FAM135B: variants seen among roughly 807,000 people sequenced by gnomAD.
FAM135B encodes protein FAM135B.
FAM135B carries 43 observed loss-of-function variants against 127.7 expected under a neutral mutation model. The observed-to-expected ratio is 0.34, with a 90% CI of 0.26 to 0.43. The LOEUF (loss-of-function observed/expected upper bound fraction) is 0.43. Ranked by LOEUF, FAM135B falls within the 20% of genes least tolerant of loss-of-function variation. The pLI, the probability that FAM135B is intolerant of heterozygous loss-of-function variation, is 1.00. For synonymous variants in FAM135B, 670 were observed against 665.1 expected, an observed-to-expected ratio of 1.01 and a Z score of -0.11; for missense variants, 1,558 against 1,725.6, an observed-to-expected ratio of 0.90 and a Z score of 1.72.
At chr8:138,421,506 G>A (rs1240096949) in intron 1 of FAM135B, among the ~76,000 whole-genome samples, 2 of 151,984 alleles carry the variant, frequency 1.3e-5, no homozygotes, top group African/African-American at 4.8e-5. Flanking sequence ...TCTAAGCTGA[G>A]AACCAAATAA....
chr8:138,286,576 A>G (rs10505698), intron 3 of FAM135B, among the ~76,000 whole-genome samples: 29,381 of 152,194 alleles, frequency 0.19, 3,301 homozygotes, highest in Middle Eastern at 0.26. Flanking sequence ...AATCCCAGGC[A>G]ACAAGAGGAA....
chr8:138,252,868 C>T (rs1053331989), intron 5 of FAM135B, among the ~76,000 whole-genome samples: 2 of 152,152 alleles, frequency 1.3e-5, no homozygotes, highest in Non-Finnish European at 2.9e-5. Context: ...GGCATAATCT[C>T]GGCTCACTGC....
chr8:138,369,988 C>G (rs1166680188), intron 1 of FAM135B, among the ~76,000 whole-genome samples: 1 of 152,112 alleles, frequency 6.6e-6, no homozygotes, highest in Non-Finnish European at 1.5e-5. Context: ...ACAATGCACC[C>G]CAAGAGTGCC....
intron 4 of FAM135B, among the ~76,000 whole-genome samples, chr8:138,261,528 A>G (rs182524565): frequency 1.2e-4 from 18 of 152,084 alleles, no homozygotes; most frequent in African/African-American, 4.3e-4. Context: ...TCCTGTATGT[A>G]TTTTTCCTCC....
chr8:138,430,534 T>C (rs1835138881), intron 1 of FAM135B, among the ~76,000 whole-genome samples: 1 of 152,162 alleles, frequency 6.6e-6, no homozygotes, highest in Non-Finnish European at 1.5e-5. Context: ...TCTCTCCTGC[T>C]GGGCAGGTGC....
chr8:138,152,365 C>A lies in FAM135B; in HGVS notation c.2110G>T (p.Ala704Ser), dbSNP rs1452658615. 1 of 1,614,052 alleles carries A rather than the reference C, an allele frequency of 6.2e-7. No individual in the cohort carries two copies. The highest frequency in any genetic ancestry group is 8.5e-7 in the Non-Finnish European group (1 of 1,180,028). Residue 704 changes from alanine (A) to serine (S), a missense_variant, in exon 13 of 20, where the codon GCT (alanine) becomes TCT (serine). Physicochemically the swap from Ala to Ser is moderately conservative, Grantham distance 99 (BLOSUM62 1). Coordinates refer to ENST00000395297, the MANE Select transcript of FAM135B (RefSeq NM_015912.4). Reference protein sequence around the residue: ...SVAWSEARSRALELPSDREVL... With the variant: ...SVAWSEARSRSLELPSDREVL... ...TCCCGATCACTGGGCAACTCCAGAG[C>A]CCTGCTTCGGGCCTCTGACCAGGCG...
chr8:138,139,217 A>C, intron 17 of FAM135B, 121 bp from the exon 18 acceptor site: 3 of 622,106 alleles, frequency 4.8e-6, no homozygotes, highest in Non-Finnish European at 8.5e-6. Context: ...ATAAGAGAGA[A>C]GTAGGCATAC....
intron 3 of FAM135B, among the ~76,000 whole-genome samples, chr8:138,306,129 C>G (rs1826239667): frequency 6.6e-6 from 1 of 152,116 alleles, no homozygotes; most frequent in African/African-American, 2.4e-5. Flanking sequence ...ATTGGCAGGC[C>G]TCCTCTTAGA....
At chr8:138,354,356 C>A (rs1347592214) in intron 2 of FAM135B, among the ~76,000 whole-genome samples, 1 of 152,104 alleles carries the variant, frequency 6.6e-6, no homozygotes, top group Non-Finnish European at 1.5e-5. Context: ...CTCTTGAAAA[C>A]CCTAGCACTA....
intron 12 of FAM135B, among the ~76,000 whole-genome samples, chr8:138,160,914 A>G (rs1298704796): frequency 6.6e-6 from 1 of 152,190 alleles, no homozygotes; most frequent in East Asian, 1.9e-4. Flanking sequence ...TTACAGAGTA[A>G]AAGACAGCTT....
chr8:138,463,591 C>A (rs1230830043), intron 1 of FAM135B, among the ~76,000 whole-genome samples: 1 of 152,150 alleles, frequency 6.6e-6, no homozygotes, highest in Non-Finnish European at 1.5e-5. Flanking sequence ...GGCATAATTT[C>A]TGGGGTGAAC....
chr8:138,130,365 C>T lies in FAM135B; in HGVS notation c.*2228G>A, dbSNP rs945330513. ...ACAATTATAATAGATGCTCAGAGGC[C>T]AGAGAGGGTTTACAAAGACAGCAGA... On this transcript the variant is annotated 3_prime_UTR_variant, in exon 20 of 20. Transcript: ENST00000395297. 17 of 151,836 alleles carry T rather than the reference C, an allele frequency of 1.1e-4. No individual in the cohort carries two copies. The highest frequency in any genetic ancestry group is 1.1e-3 in the Admixed American group (17 of 15,238). The allele number at this position is 151,836 out of a possible 1,614,324, so 9.4% of individuals were successfully genotyped here.
intron 2 of FAM135B, among the ~76,000 whole-genome samples, chr8:138,351,124 A>T (rs748694008): frequency 2.6e-5 from 4 of 152,054 alleles, no homozygotes; most frequent in Non-Finnish European, 5.9e-5. Context: ...TGCTTTTCCA[A>T]ATTGTGTTCC....
Position 138,151,615 on chromosome 8 carries a change from G to C in FAM135B, c.2860C>G (p.Gln954Glu), listed in dbSNP as rs2130736061. The change falls in exon 13 of 20, where the codon CAA becomes GAA. Residue 954 changes from glutamine (Q) to glutamate (E), a missense_variant. Around this residue, in one of 5 missense-constraint regions of FAM135B, gnomAD observed 923 missense variants for 865.3 expected, o/e 1.07. Transcript: ENST00000395297. ...ATGCAAGGTGAACCGCTTTGGCTTT[G>C]CTGGCCTGTTGAGTTCCTGTTGATG... Reference protein sequence around the residue: ...DAINRNSTGQQSQSGSPCIMD... With the variant: ...DAINRNSTGQESQSGSPCIMD... 1 of 1,614,148 alleles carries C rather than the reference G, an allele frequency of 6.2e-7. No individual in the cohort carries two copies. The highest frequency in any genetic ancestry group is 8.5e-7 in the Non-Finnish European group (1 of 1,180,010).
intron 12 of FAM135B, among the ~76,000 whole-genome samples, chr8:138,160,583 AG>A (rs1183151305): frequency 6.9e-6 from 1 of 143,930 alleles, no homozygotes; most frequent in Non-Finnish European, 1.5e-5. Flanking sequence ...ATTTTAGTGG[AG>A]ATGGGGTTTC....
intron 1 of FAM135B, among the ~76,000 whole-genome samples, chr8:138,368,884 T>C (rs147818238): frequency 1.0e-3 from 159 of 152,266 alleles, no homozygotes; most frequent in Middle Eastern, 0.01. Context: ...AGAAGCTTAG[T>C]TGTATTGGGC....
At chr8:138,192,570 A>G (rs931109228) in intron 9 of FAM135B, among the ~76,000 whole-genome samples, 2 of 129,458 alleles carry the variant, frequency 1.5e-5, no homozygotes, top group East Asian at 2.4e-4. Flanking sequence ...TTGACGGATC[A>G]GTTGGTATCA....
intron 1 of FAM135B, among the ~76,000 whole-genome samples, chr8:138,387,778 A>T (rs775855289): frequency 1.3e-5 from 2 of 152,244 alleles, no homozygotes; most frequent in South Asian, 4.1e-4. Flanking sequence ...CAGAATCATG[A>T]ACCACTTACT....
At chr8:138,163,546 G>A (rs1819613435) in intron 12 of FAM135B, among the ~76,000 whole-genome samples, 2 of 152,224 alleles carry the variant, frequency 1.3e-5, no homozygotes, top group Non-Finnish European at 2.9e-5. Context: ...TCGTGCTCGT[G>A]AATACACCTC....
Sources: allele counts gnomAD v4.1 joint callset (sites outside exome capture counted in the v4.1 genomes callset), GRCh38; gene constraint gnomAD v4.1.1; regional missense constraint gnomAD v4.1.1; transcripts MANE v1.5; gene names NCBI Gene and HGNC (gene_info 2026-07-23, HGNC 2026-07-21).